The following NELL1 variants were observed in gnomAD, a reference collection of about 807,000 sequenced individuals.
NELL1 encodes neural EGFL like 1.
NELL1 carries 76 observed loss-of-function variants against 107.4 expected under a neutral mutation model. The ratio of observed to expected loss-of-function variants is 0.71; its 90% CI spans 0.59 to 0.86. NELL1 has a LOEUF of 0.86. NELL1 is among the 40% of genes least tolerant of loss of function. The pLI is 0.00. For missense variants in NELL1, 1,024 were observed against 1,005.5 expected (o/e 1.02, Z -0.25); for synonymous variants, 353 against 341.2 (o/e 1.03, Z -0.38).
At chr11:20,787,512 AC>A (rs1856991907) in intron 3 of NELL1, among the ~76,000 whole-genome samples, 1 of 152,204 alleles carries the variant, frequency 6.6e-6, no homozygotes, top group African/African-American at 2.4e-5. Context: ...TGGACATTTG[AC>A]CACGTATATA....
At chr11:21,220,546 C>A (rs1857729435) in intron 13 of NELL1, among the ~76,000 whole-genome samples, 1 of 151,956 alleles carries the variant, frequency 6.6e-6, no homozygotes, top group African/African-American at 2.4e-5. Flanking sequence ...TCTTTAGTTT[C>A]TTTTATCAAT....
At chr11:20,980,365 T>C (rs1201877018) in intron 12 of NELL1, among the ~76,000 whole-genome samples, 1 of 152,182 alleles carries the variant, frequency 6.6e-6, no homozygotes, top group Non-Finnish European at 1.5e-5. Flanking sequence ...AGGACTAAGA[T>C]TGGAATTTAG....
rs1428050407 is a variant in NELL1 at position 21,209,347 on chromosome 11, AT to A, written c.1427-19984del. ...ATGTATATATTATATATATATATAT[AT>A]AAAATACATAATTACTTCTTACCCC... On this transcript the variant is annotated intron_variant, in intron 13 of 19. Coordinates refer to ENST00000357134, the MANE Select transcript of NELL1 (RefSeq NM_006157.5). Among the ~76,000 whole-genome samples, 1,152 of 148,704 alleles carry A rather than the reference AT, an allele frequency of 7.7e-3. 13 individuals are homozygous for A. Among genetic ancestry groups the A allele is most frequent in the African/African-American group, 0.025 (1,016 of 40,940 alleles).
chr11:20,776,915 C>T (rs896010793), intron 2 of NELL1, among the ~76,000 whole-genome samples: 1 of 152,224 alleles, frequency 6.6e-6, no homozygotes, highest in African/African-American at 2.4e-5. Context: ...CTCTCTGTGC[C>T]TCAGTTCCTT....
At chr11:21,550,410 T>C (rs1856551046) in intron 16 of NELL1, among the ~76,000 whole-genome samples, 1 of 152,040 alleles carries the variant, frequency 6.6e-6, no homozygotes, top group Admixed American at 6.6e-5. Context: ...CCTGAAGTCC[T>C]TGCCCGTGCC....
intron 2 of NELL1, among the ~76,000 whole-genome samples, chr11:20,712,567 CA>C (rs1180771308): frequency 4.7e-4 from 71 of 152,106 alleles, no homozygotes; most frequent in Non-Finnish European, 9.1e-4. Flanking sequence ...GTCATGTTAT[CA>C]GAATTACTTT....
chr11:20,941,649 A>G (rs1448726893), intron 10 of NELL1, among the ~76,000 whole-genome samples: 1 of 152,226 alleles, frequency 6.6e-6, no homozygotes, highest in Admixed American at 6.5e-5. Flanking sequence ...CGAACTGTCA[A>G]ACCTATTCCT....
chr11:20,785,373 G>C (rs1856933652), intron 3 of NELL1, among the ~76,000 whole-genome samples: 1 of 152,206 alleles, frequency 6.6e-6, no homozygotes, highest in Non-Finnish European at 1.5e-5. Context: ...GAGAGATATG[G>C]GTTCGTTCAA....
At position 21,286,507 on chromosome 11, in the gene NELL1, T is replaced by TA. The variant is rs372451463; in HGVS notation, c.1549+57054dup. On this transcript the variant is annotated intron_variant, in intron 14 of 19. Coordinates refer to ENST00000357134, the MANE Select transcript of NELL1 (RefSeq NM_006157.5). ...CCTCCAATGCCACGCTAACTGATCT[T>TA]ACTTTAACCCATACTATCCACTCGT... Among the ~76,000 whole-genome samples, 691 of 152,344 alleles carry TA rather than the reference T, an allele frequency of 4.5e-3. 7 individuals are homozygous for TA. Among genetic ancestry groups the TA allele is most frequent in the African/African-American group, 0.016 (653 of 41,580 alleles).
intron 5 of NELL1, among the ~76,000 whole-genome samples, chr11:20,893,217 A>G (rs1849654563): frequency 6.6e-6 from 1 of 151,872 alleles, no homozygotes; most frequent in Non-Finnish European, 1.5e-5. Flanking sequence ...TTAAGAACAC[A>G]TGGATACAGA....
intron 10 of NELL1, among the ~76,000 whole-genome samples, chr11:20,943,246 T>C (rs1850893689): frequency 6.6e-6 from 1 of 152,192 alleles, no homozygotes; most frequent in African/African-American, 2.4e-5. Flanking sequence ...TTATTGACAA[T>C]AATTTTTAAT....
At chr11:21,571,021 C>CCA in intron 18 of NELL1, 81 bp downstream of exon 18, 1 of 1,360,324 alleles carries the variant, frequency 7.4e-7, no homozygotes, top group East Asian at 2.3e-5. Flanking sequence ...GACCTAGTTC[C>CCA]CAGTTTTTCA....
chr11:20,874,137 G>A (rs1194006295), intron 4 of NELL1, among the ~76,000 whole-genome samples: 1 of 152,060 alleles, frequency 6.6e-6, no homozygotes, highest in African/African-American at 2.4e-5. Flanking sequence ...GCACGATCAC[G>A]GCTCACTGCA....
At chr11:20,933,336 G>C (rs767135311) in intron 9 of NELL1, among the ~76,000 whole-genome samples, 16 of 152,226 alleles carry the variant, frequency 1.1e-4, no homozygotes, top group Non-Finnish European at 2.4e-4. Flanking sequence ...CAGAGCGTCT[G>C]TAAGGGAGAA....
intron 2 of NELL1, among the ~76,000 whole-genome samples, chr11:20,693,516 A>G (rs1854528548): frequency 2.6e-5 from 4 of 152,156 alleles, no homozygotes; most frequent in African/African-American, 9.6e-5. Context: ...GCTTGTCTGT[A>G]AAGTATTTTA....
intron 12 of NELL1, among the ~76,000 whole-genome samples, chr11:21,055,402 A>G (rs1853588567): frequency 6.6e-6 from 1 of 152,080 alleles, no homozygotes; most frequent in African/African-American, 2.4e-5. Context: ...AGATTTATAA[A>G]TAGTTTTGAG....
intron 2 of NELL1, among the ~76,000 whole-genome samples, chr11:20,755,916 G>A (rs1223809191): frequency 6.4e-5 from 7 of 109,610 alleles, no homozygotes; most frequent in African/African-American, 1.5e-4. Flanking sequence ...TTTATGAGAC[G>A]GAGTCTCGCT....
intron 15 of NELL1, among the ~76,000 whole-genome samples, chr11:21,424,297 A>G (rs1191122096): frequency 6.6e-6 from 1 of 152,168 alleles, no homozygotes; most frequent in Non-Finnish European, 1.5e-5. Context: ...TACCAATTTA[A>G]TAGAAATAAA....
chr11:21,104,390 G>A (rs1171372928), intron 12 of NELL1, among the ~76,000 whole-genome samples: 1 of 152,200 alleles, frequency 6.6e-6, no homozygotes, highest in Non-Finnish European at 1.5e-5. Flanking sequence ...TTCGTATGCT[G>A]TGATTCCCAG....
Sources: gnomAD v4.1 joint callset for allele counts (sites outside exome capture counted in the v4.1 genomes callset) on GRCh38, gnomAD v4.1.1 for gene constraint, MANE v1.5 for transcripts, NCBI Gene and HGNC (gene_info 2026-07-23, HGNC 2026-07-21) for gene names.